Variants in PCDH15 observed in about 807,000 individuals in gnomAD.
PCDH15 encodes protocadherin-15.
A neutral mutation model predicts 178.5 loss-of-function variants in PCDH15; 129 were observed. The observed-to-expected ratio is 0.72, with a 90% CI of 0.63 to 0.84. The LOEUF (loss-of-function observed/expected upper bound fraction) is 0.84. Ranked by LOEUF, PCDH15 falls within the 40% of genes least tolerant of loss-of-function variation. The pLI, the probability that PCDH15 is intolerant of heterozygous loss-of-function variation, is 0.00. For synonymous variants in PCDH15, 800 were observed against 732.0 expected, an observed-to-expected ratio of 1.09 and a Z score of -1.50; for missense variants, 2,230 against 2,099.9, an observed-to-expected ratio of 1.06 and a Z score of -1.21.
intron 2 of PCDH15, among the ~76,000 whole-genome samples, chr10:55,009,503 T>C (rs575169374): frequency 6.6e-6 from 1 of 152,270 alleles, no homozygotes; most frequent in East Asian, 1.9e-4. Context: ...AGAAAATTCA[T>C]AGAAGCCACC....
intron 2 of PCDH15, among the ~76,000 whole-genome samples, chr10:54,910,451 T>G (rs866603457): frequency 2.0e-5 from 3 of 152,216 alleles, no homozygotes; most frequent in South Asian, 2.1e-4. Flanking sequence ...AAAAGAGATA[T>G]TTTCTTAGTC....
chr10:55,463,207 C>G (rs1461003141), intron 2 of PCDH15, among the ~76,000 whole-genome samples: 1 of 151,822 alleles, frequency 6.6e-6, no homozygotes, highest in Non-Finnish European at 1.5e-5. Flanking sequence ...TTGCAATTTT[C>G]TAGAACAATA....
At chr10:54,376,381 G>GA (rs1489410900) in intron 4 of PCDH15, among the ~76,000 whole-genome samples, 4 of 150,102 alleles carry the variant, frequency 2.7e-5, no homozygotes, top group East Asian at 1.9e-4. Context: ...TAGCTTTTGG[G>GA]AAAAAACATT....
intron 3 of PCDH15, among the ~76,000 whole-genome samples, chr10:54,864,007 A>G (rs1327494695): frequency 6.6e-6 from 1 of 152,214 alleles, no homozygotes; most frequent in Non-Finnish European, 1.5e-5. Flanking sequence ...AAAATCCATC[A>G]TGCCATGTAG....
At chr10:54,860,630 T>C (rs964782782) in intron 3 of PCDH15, among the ~76,000 whole-genome samples, 4 of 152,218 alleles carry the variant, frequency 2.6e-5, no homozygotes, top group African/African-American at 9.6e-5. Flanking sequence ...CATATATTTT[T>C]GGTAGAACAA....
At chr10:54,197,232 A>G (rs1384228645) in intron 10 of PCDH15, among the ~76,000 whole-genome samples, 1 of 151,986 alleles carries the variant, frequency 6.6e-6, no homozygotes, top group Non-Finnish European at 1.5e-5. Context: ...GTTGATAAAA[A>G]TTTCTGTTTC....
intron 8 of PCDH15, among the ~76,000 whole-genome samples, chr10:54,245,083 AG>A (rs2055789557): frequency 1.3e-5 from 2 of 152,108 alleles, no homozygotes; most frequent in Admixed American, 1.3e-4. Flanking sequence ...AGCACTCCCT[AG>A]GTTTTTCACC....
chr10:53,912,100 G>A (rs976192529), intron 25 of PCDH15, among the ~76,000 whole-genome samples: 3 of 152,064 alleles, frequency 2.0e-5, no homozygotes, highest in Non-Finnish European at 2.9e-5. Flanking sequence ...TATCCACCAC[G>A]ATCAAGTCAG....
At chr10:54,041,217 G>A (rs1397983702) in intron 18 of PCDH15, among the ~76,000 whole-genome samples, 1 of 152,070 alleles carries the variant, frequency 6.6e-6, no homozygotes, top group African/African-American at 2.4e-5. Flanking sequence ...GTGTAGCACT[G>A]AATTTGCCTC....
At chr10:54,727,738 G>A (rs1239083922) in intron 1 of PCDH15, among the ~76,000 whole-genome samples, 16 of 151,172 alleles carry the variant, frequency 1.1e-4, no homozygotes, top group African/African-American at 2.9e-4. Context: ...ACAATGAGAC[G>A]TGACAAAGGG....
chr10:54,030,337 A>G (rs2093256832), intron 18 of PCDH15, among the ~76,000 whole-genome samples: 1 of 150,396 alleles, frequency 6.6e-6, no homozygotes, highest in African/African-American at 2.4e-5. Context: ...TAAAATTATT[A>G]TCTATTAACT....
At chr10:54,295,314 ACCAATCAGCACTCTGTAAAATGGG>A (rs2059680078) in intron 8 of PCDH15, among the ~76,000 whole-genome samples, 1 of 152,056 alleles carries the variant, frequency 6.6e-6, no homozygotes, top group African/African-American at 2.4e-5. Flanking sequence ...TGTAAAATGG[ACCAATCAGCACTCTGTAAAATGGG>A]CCAATCAGCA....
intron 11 of PCDH15, among the ~76,000 whole-genome samples, chr10:54,194,182 A>G (rs2049330387): frequency 6.6e-6 from 1 of 150,908 alleles, no homozygotes; most frequent in South Asian, 2.1e-4. Context: ...GCCTCTGTGG[A>G]GTGTTACAAA....
At chr10:53,824,410 A>G (rs1362573003) in intron 32 of PCDH15, among the ~76,000 whole-genome samples, 1 of 152,194 alleles carries the variant, frequency 6.6e-6, no homozygotes, top group African/African-American at 2.4e-5. Context: ...AGCAGGAATG[A>G]AATAAAAAAG....
intron 2 of PCDH15, among the ~76,000 whole-genome samples, chr10:55,150,042 AAGAG>A (rs1198294950): frequency 2.0e-5 from 3 of 149,674 alleles, no homozygotes; most frequent in South Asian, 2.2e-4. Flanking sequence ...TAAAGAAGAG[AAGAG>A]AGAGAGAGAA....
Position 55,464,074 on chromosome 10 carries a change from AGG to A in PCDH15, c.-156+163549_-156+163550del, listed in dbSNP as rs748369593. On this transcript the variant is annotated intron_variant, in intron 2 of 5. Transcript: ENST00000613346. The stretch of plus-strand genomic sequence containing the variant: ...GAAAGAAAGAAAGAAAAGGAAAGAA[AGG>A]GAAAGAAGAAAAGAAAAGGAGTACT... Among the ~76,000 whole-genome samples, 80 of 127,202 alleles carry A rather than the reference AGG, an allele frequency of 6.3e-4. 2 individuals carry two copies. The highest frequency in any genetic ancestry group is 1.9e-3 in the African/African-American group (71 of 37,142). 83.4% of individuals were successfully genotyped at this position (127,202 alleles called of 152,430 possible).
At chr10:53,838,822 A>G (rs1289409759) in intron 29 of PCDH15, among the ~76,000 whole-genome samples, 1 of 152,192 alleles carries the variant, frequency 6.6e-6, no homozygotes, top group Non-Finnish European at 1.5e-5. Context: ...TGGTGACTAT[A>G]AAATCAGAGT....
chr10:55,033,281 C>T (rs1041976838), intron 2 of PCDH15, among the ~76,000 whole-genome samples: 3 of 152,042 alleles, frequency 2.0e-5, no homozygotes, highest in Non-Finnish European at 2.9e-5. Context: ...CAGGGCCGCT[C>T]GAGAGGCCAA....
At chr10:55,408,963 TTA>T (rs1838270050) in intron 2 of PCDH15, among the ~76,000 whole-genome samples, 1 of 152,168 alleles carries the variant, frequency 6.6e-6, no homozygotes, top group Non-Finnish European at 1.5e-5. Flanking sequence ...TTACTTGGCA[TTA>T]TGTTTTTATC....
Sources: allele counts gnomAD v4.1 joint callset (sites outside exome capture counted in the v4.1 genomes callset), GRCh38; gene constraint gnomAD v4.1.1; transcripts MANE v1.5; gene names NCBI Gene and HGNC (gene_info 2026-07-23, HGNC 2026-07-21).